PNPLA5: variants seen among roughly 807,000 people sequenced by gnomAD.
The protein encoded by PNPLA5 is patatin like domain 5, triacylglycerol lipase.
Under a neutral mutation model 49.1 loss-of-function variants are expected in PNPLA5, and 44 were observed. The ratio of observed to expected loss-of-function variants is 0.90; its 90% CI spans 0.70 to 1.15. The LOEUF is 1.15. PNPLA5 is among the 50% of genes most tolerant of loss of function. The pLI is 0.00. For synonymous variants in PNPLA5, 243 were observed against 244.4 expected (o/e 0.99, Z 0.06); for missense variants, 603 against 564.0 (o/e 1.07, Z -0.70).
chr22:43,891,642 A>C (rs1201564957), intron 1 of PNPLA5, 46 bp downstream of exon 1: 3 of 1,497,496 alleles, frequency 2.0e-6, no homozygotes, highest in Non-Finnish European at 2.7e-6. Flanking sequence ...ATCCGCTTTC[A>C]TTAAGCTGTC....
chr22:43,880,995 A>G (rs779728982), intron 8 of PNPLA5, 110 bp from the exon 9 acceptor site: 238 of 1,242,304 alleles, frequency 1.9e-4, no homozygotes, highest in Non-Finnish European at 2.4e-4. Context: ...CTTCCCCCAA[A>G]TCCTGCTCTG....
At chr22:43,885,732 G>A (rs1481313962) in intron 6 of PNPLA5, among the ~76,000 whole-genome samples, 1 of 152,160 alleles carries the variant, frequency 6.6e-6, no homozygotes, top group East Asian at 1.9e-4. Context: ...ACAGCGGGCG[G>A]GCAGACTAAA....
chr22:43,886,152 G>T, intron 6 of PNPLA5, 151 bp downstream of exon 6: 1 of 802,428 alleles, frequency 1.2e-6, no homozygotes, highest in Non-Finnish European at 1.9e-6. Flanking sequence ...CATGTGAAAA[G>T]CCCATAGTAC....
rs1165237086 is a variant in PNPLA5, at chr22:43,880,157, A to G, written c.*638T>C. ...ACGTCACAAACCTTCTGCAGGAATG[A>G]GGCTGTGGGGATAGCAGGGGCCACT... On this transcript the variant is annotated 3_prime_UTR_variant, in exon 9 of 9. Coordinates refer to ENST00000216177, the MANE Select transcript of PNPLA5 (RefSeq NM_138814.4). The G allele has an allele frequency of 2.8e-5, 10 of 355,020 alleles. No homozygotes were observed. Among genetic ancestry groups the G allele is most frequent in the Admixed American group, 4.7e-5 (1 of 21,152 alleles). The allele number at this position is 355,020 out of a possible 1,614,324, so 22.0% of individuals were successfully genotyped here. A position where few individuals can be genotyped will look rare whatever the true frequency, so the allele number is the denominator to read the frequency against.
At chr22:43,884,405 GC>G (rs891945024) in intron 6 of PNPLA5, 60 bp from the exon 7 acceptor site, 4 of 1,467,870 alleles carry the variant, frequency 2.7e-6, no homozygotes, top group African/African-American at 2.9e-5. Flanking sequence ...AGCAACCTGA[GC>G]CCCCCCATTT....
At chr22:43,889,896 T>C (rs376658160) in intron 2 of PNPLA5, 32 bp from the exon 3 acceptor site, 2 of 1,609,920 alleles carry the variant, frequency 1.2e-6, no homozygotes, top group Non-Finnish European at 1.7e-6. Flanking sequence ...GGAACACAAC[T>C]GTGCATGCTT....
At chr22:43,888,574 A>C (rs1238768651) in intron 4 of PNPLA5, among the ~76,000 whole-genome samples, 1 of 151,688 alleles carries the variant, frequency 6.6e-6, no homozygotes, top group Non-Finnish European at 1.5e-5. Context: ...AGCTGGAATT[A>C]CAGGCATGCG....
chr22:43,891,003 A>T (rs1046840833), intron 2 of PNPLA5, 59 bp downstream of exon 2: 225 of 1,561,132 alleles, frequency 1.4e-4, no homozygotes, highest in Non-Finnish European at 1.9e-4. Flanking sequence ...CCTGGATGTC[A>T]CTCTGGACTA....
intron 5 of PNPLA5, 100 bp downstream of exon 5, chr22:43,887,491 G>A: frequency 7.3e-7 from 1 of 1,368,142 alleles, no homozygotes; most frequent in Non-Finnish European, 1.0e-6. Flanking sequence ...GGAAGAGACT[G>A]AGTTAGCCCA....
chr22:43,882,279 G>C (rs967732653), intron 7 of PNPLA5, among the ~76,000 whole-genome samples: 4 of 152,198 alleles, frequency 2.6e-5, no homozygotes, highest in Non-Finnish European at 5.9e-5. Flanking sequence ...CCCAGATTCA[G>C]GGTCCTTGGA....
rs746696338 is a variant in PNPLA5, at chr22:43,884,203, C to A, written c.1082+10G>T. Reference sequence around the variant, plus strand: ...CCAGGCCCTTCCCAGGCCCCCTGGCCGAGCCTTACCTTCTGCTGCGGAAGT... The same window carrying A: ...CCAGGCCCTTCCCAGGCCCCCTGGCAGAGCCTTACCTTCTGCTGCGGAAGT... On this transcript the variant is annotated intron_variant, in intron 7 of 8. Coordinates refer to ENST00000216177, the MANE Select transcript of PNPLA5 (RefSeq NM_138814.4). 1 of 1,533,850 alleles carries A rather than the reference C, an allele frequency of 6.5e-7. No individual in the cohort carries two copies. Among genetic ancestry groups the A allele is most frequent in the Non-Finnish European group, 8.8e-7 (1 of 1,137,108 alleles).
chr22:43,891,918 G>C lies in PNPLA5; in HGVS notation c.-38C>G, dbSNP rs993695185. 6.7e-7 allele frequency: 1 copy of C among 1,494,100 alleles called. No individual in the cohort carries two copies. The highest frequency in any genetic ancestry group is 1.5e-5 in the African/African-American group (1 of 68,492). The allele number at this position is 1,494,100 out of a possible 1,614,324, so 92.6% of individuals were successfully genotyped here. On this transcript the variant is annotated 5_prime_UTR_variant, in exon 1 of 9. Coordinates refer to ENST00000216177, the MANE Select transcript of PNPLA5 (RefSeq NM_138814.4). ...GGGCGGGGTGATCGGGACGAGGAAG[G>C]GTCACTCCGTGACCCGGGATAGGGC... is the stretch of plus-strand genomic sequence containing the variant.
rs778046624 is a variant in PNPLA5 at position 43,887,626 on chromosome 22, C to A, written c.728G>T (p.Gly243Val). ...LEVVADNCRQ[G>V]YLDALRFLER... ...CAGGAACCTCAGGGCATCCAGGTAG[C>A]CTTGTCTGCAGTTGTCGGCCACTAC... The change falls in exon 5 of 9, where the codon GGC (glycine) becomes GTC (valine). Residue 243 changes from glycine (G) to valine (V), a missense_variant. Gly to Val is a moderately radical substitution (Grantham distance 109, BLOSUM62 -3). Transcript: ENST00000216177. The A allele has an allele frequency of 2.5e-6, 4 of 1,608,756 alleles. No individual in the cohort carries two copies. The highest frequency in any genetic ancestry group is 2.2e-5 in the South Asian group (2 of 89,814).
intron 2 of PNPLA5, chr22:43,890,107 GCT>G: frequency 1.0e-6 from 1 of 984,560 alleles, no homozygotes; most frequent in Non-Finnish European, 1.2e-6. Context: ...CCAGGTGCAG[GCT>G]CCTGAGGAAG....
In PNPLA5 at chr22:43,889,341, G is replaced by A. The variant is rs770537550; in HGVS notation, c.690C>T (p.Pro230=). 3.9e-5 allele frequency: 63 copies of A among 1,613,870 alleles called. No homozygotes were observed. The South Asian group carries it at 6.8e-4, about 17-fold the overall frequency. The part of the protein sequence containing the change: ...NFFLGLICLI[P]PSLEVVADNC... ...GGGCCAGACCTACCTCGAGGCTGGG[G>A]GGTATGAGACATATGAGCCCCAGGA... Residue 230 remains proline (P), a synonymous_variant, in exon 4 of 9, where the codon CCC becomes CCT. Transcript: ENST00000216177.
Position 43,889,343 on chromosome 22 carries a change from G to C in PNPLA5, c.688C>G (p.Pro230Ala), listed in dbSNP as rs773920705. The C allele has an allele frequency of 3.7e-6, 6 of 1,613,866 alleles. No homozygotes were observed. The highest frequency in any genetic ancestry group is 1.3e-5 in the African/African-American group (1 of 74,910). Residue 230 changes from proline (P) to alanine (A), a missense_variant, in exon 4 of 9, where the codon CCC becomes GCC. Transcript: ENST00000216177. ...GCCAGACCTACCTCGAGGCTGGGGG[G>C]TATGAGACATATGAGCCCCAGGAAG... ...NFFLGLICLI[P>A]PSLEVVADNC...
At chr22:43,881,359 T>C (rs1234325313) in intron 8 of PNPLA5, among the ~76,000 whole-genome samples, 199 bp downstream of exon 8, 2 of 152,148 alleles carry the variant, frequency 1.3e-5, no homozygotes, top group African/African-American at 4.8e-5. Context: ...GTGACTGTCA[T>C]AGAGCGTCTA....
At chr22:43,885,018 A>C (rs1463005144) in intron 6 of PNPLA5, among the ~76,000 whole-genome samples, 1 of 152,230 alleles carries the variant, frequency 6.6e-6, no homozygotes, top group Admixed American at 6.5e-5. Context: ...TCCTAGGACG[A>C]GTCCTAGCTT....
intron 6 of PNPLA5, 50 bp downstream of exon 6, chr22:43,886,253 C>A: frequency 1.9e-6 from 3 of 1,554,434 alleles, no homozygotes; most frequent in Non-Finnish European, 1.7e-6. Context: ...GAGCCCGGGC[C>A]CCTGAGTGCA....
Sources: allele counts gnomAD v4.1 joint callset (sites outside exome capture counted in the v4.1 genomes callset), GRCh38; gene constraint gnomAD v4.1.1; transcripts MANE v1.5; gene names NCBI Gene and HGNC (gene_info 2026-07-23, HGNC 2026-07-21).